ATP8B1: variants seen among roughly 807,000 people sequenced by gnomAD.
The protein encoded by ATP8B1 is phospholipid-transporting ATPase IC.
Under a neutral mutation model 149.9 loss-of-function variants are expected in ATP8B1, and 80 were observed. The observed-to-expected ratio is 0.53, with a 90% CI of 0.45 to 0.64. The LOEUF (loss-of-function observed/expected upper bound fraction) is 0.64, where lower values mean the gene tolerates loss of function less well. ATP8B1 is among the 30% of genes least tolerant of loss of function. The pLI is 0.00. For missense variants in ATP8B1, 1,247 were observed against 1,552.6 expected (o/e 0.80, Z 3.31); for synonymous variants, 536 against 562.8 (o/e 0.95, Z 0.67).
chr18:57,773,977 A>C (rs777733156), intron 1 of ATP8B1, among the ~76,000 whole-genome samples: 1 of 152,194 alleles, frequency 6.6e-6, no homozygotes, highest in Non-Finnish European at 1.5e-5. Context: ...AGGTAATCAG[A>C]TGGAGTTACT....
In ATP8B1 at chr18:57,756,291, G is replaced by GTATATATATATACATA; in HGVS notation, c.-25-24460_-25-24459insTATGTATATATATATA. Among the ~76,000 whole-genome samples the GTATATATATATACATA allele has an allele frequency of 7.3e-3, 198 of 26,978 alleles. 7 individuals are homozygous for GTATATATATATACATA. The highest frequency in any genetic ancestry group is 0.033 in the Middle Eastern group (1 of 30). The allele number at this position is 26,978 out of a possible 152,430, so 17.7% of individuals were successfully genotyped here. Reference sequence around the variant, plus strand: ...AAATATTTACACAACATATATATGTGTGTGTGTATGTATATATATATATAT... The same window carrying GTATATATATATACATA: ...AAATATTTACACAACATATATATGTGTATATATATATACATATGTGTGTATGTATATATATATATAT... On this transcript the variant is annotated intron_variant, in intron 1 of 27. Transcript: ENST00000648908.
At position 57,652,040 on chromosome 18, in the gene ATP8B1, A is replaced by G; in HGVS notation, c.3394T>C (p.Phe1132Leu). The change falls in exon 26 of 28, where the codon TTT (phenylalanine) becomes CTT (leucine). Residue 1132 changes from phenylalanine to leucine, a missense_variant. Phe to Leu is a conservative substitution (Grantham distance 22). Coordinates refer to ENST00000648908, the MANE Select transcript of ATP8B1 (RefSeq NM_001374385.1). Reference sequence around the variant, plus strand: ...GGAATTTGGAAATACCAACCTGTAAATTGAAATGCAGATGGAAAGAGAACA... The same window carrying G: ...GGAATTTGGAAATACCAACCTGTAAGTTGAAATGCAGATGGAAAGAGAACA... ...IHVLFPSAFQ[F>L]TGTASNALRQ... is the part of the protein sequence containing the mutation. 1 of 1,613,516 alleles carries G rather than the reference A, an allele frequency of 6.2e-7. No individual in the cohort carries two copies. The highest frequency in any genetic ancestry group is 8.5e-7 in the Non-Finnish European group (1 of 1,179,844).
intron 1 of ATP8B1, among the ~76,000 whole-genome samples, chr18:57,764,171 T>G (rs2080184301): frequency 6.6e-6 from 1 of 152,216 alleles, no homozygotes; most frequent in South Asian, 2.1e-4. Context: ...CATGGACAGA[T>G]GAACGAACGA....
chr18:57,746,461 T>A (rs1027364516), intron 1 of ATP8B1, among the ~76,000 whole-genome samples: 6 of 149,072 alleles, frequency 4.0e-5, no homozygotes, highest in African/African-American at 1.5e-4. Context: ...TGCCCACTGA[T>A]GCTTACTTTT....
rs1015361924 is a variant in ATP8B1 at position 57,700,949 on chromosome 18, T to C, written c.554+90A>G. The C allele has an allele frequency of 1.7e-4, 222 of 1,333,364 alleles. 1 individual carries two copies. The highest frequency in any genetic ancestry group is 3.2e-5 in the Non-Finnish European group (30 of 926,028). The allele number at this position is 1,333,364 out of a possible 1,614,324, so 82.6% of individuals were successfully genotyped here. ...ATAAACAGTTAATGTACTAATAGCC[T>C]TCTACATTGTAATAATTATCTCTGA... On this transcript the variant is annotated intron_variant, in intron 6 of 27. Transcript: ENST00000648908.
At chr18:57,773,572 G>A (rs1259321671) in intron 1 of ATP8B1, among the ~76,000 whole-genome samples, 1 of 152,108 alleles carries the variant, frequency 6.6e-6, no homozygotes, top group Non-Finnish European at 1.5e-5. Flanking sequence ...AGAAGAGGGT[G>A]GTTCCCCCAA....
At chr18:57,713,111 A>G (rs1913762928) in intron 2 of ATP8B1, among the ~76,000 whole-genome samples, 2 of 152,094 alleles carry the variant, frequency 1.3e-5, no homozygotes, top group East Asian at 3.9e-4. Context: ...CGCTTGAGAA[A>G]AGCAGAAGGA....
intron 2 of ATP8B1, among the ~76,000 whole-genome samples, chr18:57,719,459 G>A (rs889501981): frequency 3.9e-5 from 6 of 152,218 alleles, no homozygotes; most frequent in Non-Finnish European, 8.8e-5. Context: ...AAGCGCAAGG[G>A]GTCAGGGAGT....
At chr18:57,756,291 G>GTATATATATATATACA in intron 1 of ATP8B1, among the ~76,000 whole-genome samples, 1 of 27,182 alleles carries the variant, frequency 3.7e-5, no homozygotes, top group Non-Finnish European at 9.5e-5. Context: ...ATATATATGT[G>GTATATATATATATACA]TGTGTGTATG....
chr18:57,753,125 A>G (rs552972512), intron 1 of ATP8B1, among the ~76,000 whole-genome samples: 1 of 152,362 alleles, frequency 6.6e-6, no homozygotes, highest in Non-Finnish European at 1.5e-5. Flanking sequence ...GATTAAAGAA[A>G]AAAAAGATCT....
Sources: gnomAD v4.1 joint callset for allele counts (sites outside exome capture counted in the v4.1 genomes callset) on GRCh38, gnomAD v4.1.1 for gene constraint, MANE v1.5 for transcripts, NCBI Gene and HGNC (gene_info 2026-07-23, HGNC 2026-07-21) for gene names.